SGSM1: variants seen among roughly 807,000 people sequenced by gnomAD.
The protein encoded by SGSM1 is small G protein signaling modulator 1.
SGSM1 carries 73 observed loss-of-function variants against 133.8 expected under a neutral mutation model. The observed-to-expected ratio is 0.55, with a 90% CI of 0.45 to 0.66. The LOEUF (loss-of-function observed/expected upper bound fraction) is 0.66. Among genes scored for constraint, SGSM1 ranks in the 30% least tolerant of loss-of-function variants. The pLI, the probability that SGSM1 is intolerant of heterozygous loss-of-function variation, is 0.00. For missense variants in SGSM1, 1,213 were observed against 1,448.1 expected, an observed-to-expected ratio of 0.84 and a Z score of 2.64; for synonymous variants, 563 against 573.0, an observed-to-expected ratio of 0.98 and a Z score of 0.25.
At chr22:24,813,153 C>A (rs540247958) in intron 2 of SGSM1, among the ~76,000 whole-genome samples, 35 of 152,144 alleles carry the variant, frequency 2.3e-4, no homozygotes, top group Non-Finnish European at 4.4e-4. Context: ...ATAGCGTATG[C>A]AGAGGCTGTG....
chr22:24,843,854 GTC>G (rs1338013466), intron 2 of SGSM1: 1 of 152,156 alleles, frequency 6.6e-6, no homozygotes, highest in African/African-American at 2.4e-5. Context: ...CTGGGTGTCT[GTC>G]TCGAGCTGGA....
At chr22:24,915,323 C>CATCT (rs1391049721) in intron 22 of SGSM1, among the ~76,000 whole-genome samples, 5 of 152,230 alleles carry the variant, frequency 3.3e-5, no homozygotes, top group African/African-American at 1.2e-4. Context: ...TTTGCTTGGG[C>CATCT]ATCTACTCAG....
chr22:24,818,200 C>G (rs955755523), intron 2 of SGSM1, among the ~76,000 whole-genome samples: 1 of 150,816 alleles, frequency 6.6e-6, no homozygotes, highest in Non-Finnish European at 1.5e-5. Context: ...CCACTGCACT[C>G]CAGCCTGGGC....
At chr22:24,877,802 C>CTTT (rs36036968) in intron 13 of SGSM1, among the ~76,000 whole-genome samples, 939 of 75,424 alleles carry the variant, frequency 0.012, 115 homozygotes, top group Non-Finnish European at 0.017. Context: ...TTCTTTCTTT[C>CTTT]TTTTTTTTTT....
intron 2 of SGSM1, among the ~76,000 whole-genome samples, chr22:24,832,516 GT>G (rs1929177392): frequency 6.6e-6 from 1 of 152,150 alleles, no homozygotes; most frequent in Non-Finnish European, 1.5e-5. Flanking sequence ...TGAGAACTAG[GT>G]ATGAAATAGA....
chr22:24,813,038 GT>G (rs983916944), intron 2 of SGSM1, among the ~76,000 whole-genome samples: 22 of 152,332 alleles, frequency 1.4e-4, no homozygotes, highest in African/African-American at 5.1e-4. Context: ...GCCAGAGGAG[GT>G]GGTCAGGGAT....
chr22:24,866,960 G>T, intron 9 of SGSM1, 133 bp from the exon 10 acceptor site: 1 of 797,620 alleles, frequency 1.3e-6, no homozygotes, highest in South Asian at 1.6e-5. Context: ...GTCTGGGCAG[G>T]CTGGGACACA....
At chr22:24,875,513 A>G (rs1284805236) in intron 12 of SGSM1, among the ~76,000 whole-genome samples, 1 of 152,126 alleles carries the variant, frequency 6.6e-6, no homozygotes, top group Admixed American at 6.5e-5. Context: ...CTTTACAGAA[A>G]AAGTTTTTAT....
At chr22:24,878,909 G>A (rs1320151622) in intron 13 of SGSM1, among the ~76,000 whole-genome samples, 2 of 152,206 alleles carry the variant, frequency 1.3e-5, no homozygotes, top group African/African-American at 4.8e-5. Flanking sequence ...AAGCTTAGAG[G>A]CACAGTGGCT....
chr22:24,901,878 A>G lies in SGSM1; in HGVS notation c.2656A>G (p.Lys886Glu). Residue 886 changes from lysine to glutamate, a missense_variant, in exon 20 of 25, where the codon AAG (lysine) becomes GAG (glutamate). Physicochemically the swap from Lys to Glu is moderately conservative, Grantham distance 56. Transcript: ENST00000400358. ...CACGGTGAACCTGCACCGCATCGAG[A>G]AGGATGTGCAGAGGTGCGACCGCAA... ...LYTVNLHRIE[K>E]DVQRCDRNYW... The G allele has an allele frequency of 6.2e-7, 1 of 1,611,708 alleles. No homozygotes were observed. The highest frequency in any genetic ancestry group is 8.5e-7 in the Non-Finnish European group (1 of 1,179,140).
rs1934230321 is a variant in SGSM1 at position 24,927,064 on chromosome 22, G to C, written c.*2790G>C. 6.6e-6 allele frequency: 1 copy of C among 152,130 alleles called. No individual in the cohort carries two copies. Among genetic ancestry groups the C allele is most frequent in the Admixed American group, 6.5e-5 (1 of 15,268 alleles). 9.4% of individuals were successfully genotyped at this position (152,130 alleles called of 1,614,324 possible). A position where few individuals can be genotyped will look rare whatever the true frequency, so the allele number is the denominator to read the frequency against. Reference sequence around the variant, plus strand: ...TGCATTACAAATGACCCAAAAAGTAGTGGTTTAAAACAGCCATGTATTTAC... The same window carrying C: ...TGCATTACAAATGACCCAAAAAGTACTGGTTTAAAACAGCCATGTATTTAC... On this transcript the variant is annotated 3_prime_UTR_variant, in exon 25 of 25. Transcript: ENST00000400358.
At chr22:24,859,576 TC>T in intron 8 of SGSM1, 139 bp from the exon 9 acceptor site, 2 of 1,188,458 alleles carry the variant, frequency 1.7e-6, no homozygotes, top group South Asian at 2.6e-5. Flanking sequence ...GGCTTTAGAG[TC>T]TTCCACATGG....
At chr22:24,834,440 A>G (rs1187126856) in intron 2 of SGSM1, among the ~76,000 whole-genome samples, 4 of 152,200 alleles carry the variant, frequency 2.6e-5, no homozygotes, top group Admixed American at 6.5e-5. Context: ...TGTATTATCT[A>G]TGGCTGCTTT....
chr22:24,838,741 A>G (rs768521169), intron 2 of SGSM1, among the ~76,000 whole-genome samples: 12 of 151,702 alleles, frequency 7.9e-5, no homozygotes, highest in South Asian at 2.1e-4. Flanking sequence ...GTTTTTTTTT[A>G]ATGACAGTAC....
intron 2 of SGSM1, among the ~76,000 whole-genome samples, chr22:24,836,822 C>A (rs1460954694): frequency 1.3e-5 from 2 of 152,218 alleles, no homozygotes; most frequent in Non-Finnish European, 2.9e-5. Flanking sequence ...TGGACATTAA[C>A]CCTTTATCAC....
rs58758779 is a variant in SGSM1 at position 24,884,339 on chromosome 22, TCTC to T, written c.1641+144_1641+146del. ...TGCATATGCAAATTGGAGTTCCCCT[TCTC>T]CTTGAGAGTTCCAAGACCTACAGCT... On this transcript the variant is annotated intron_variant, in intron 15 of 24. Coordinates refer to ENST00000400358, the MANE Select transcript of SGSM1 (RefSeq NM_001098497.3). 6,859 of 1,134,932 alleles carry T rather than the reference TCTC, an allele frequency of 6.0e-3. 307 individuals are homozygous for T. In the African/African-American group the frequency reaches 0.096, roughly 16 times the overall value. 70.3% of individuals were successfully genotyped at this position (1,134,932 alleles called of 1,614,324 possible).
intron 8 of SGSM1, among the ~76,000 whole-genome samples, chr22:24,858,942 A>G (rs776130594): frequency 1.3e-5 from 2 of 152,364 alleles, no homozygotes; most frequent in Middle Eastern, 3.4e-3. Context: ...GCCACGTCAC[A>G]GTTGTGATTA....
At chr22:24,845,949 C>CTTTCT (rs1555924251) in intron 3 of SGSM1, among the ~76,000 whole-genome samples, 575 of 56,070 alleles carry the variant, frequency 0.01, 20 homozygotes, top group African/African-American at 0.031. Context: ...TCTTTTCTTT[C>CTTTCT]TTTCTTTCTT....
At chr22:24,914,484 A>C (rs9612810) in intron 22 of SGSM1, among the ~76,000 whole-genome samples, 50,612 of 150,786 alleles carry the variant, frequency 0.34, 8,913 homozygotes, top group East Asian at 0.56. Context: ...CCCCCCCCCA[A>C]AAAAAAATTA....
Sources: allele counts gnomAD v4.1 joint callset (sites outside exome capture counted in the v4.1 genomes callset), GRCh38; gene constraint gnomAD v4.1.1; transcripts MANE v1.5; gene names NCBI Gene and HGNC (gene_info 2026-07-23, HGNC 2026-07-21).